HAS1: variants seen among roughly 807,000 people sequenced by gnomAD.
The protein encoded by HAS1 is hyaluronan synthase 1.
HAS1 carries 27 observed loss-of-function variants against 35.0 expected under a neutral mutation model. The observed-to-expected ratio is 0.77, with a 90% CI of 0.57 to 1.06. The LOEUF is 1.06. Among genes scored for constraint, HAS1 ranks in the 50% least tolerant of loss-of-function variants. The probability of loss-of-function intolerance (pLI) is 0.00; values close to 1 mark genes in which losing one functional copy is unlikely to be tolerated. For synonymous variants in HAS1, 409 were observed against 371.2 expected (o/e 1.10, Z -1.17); for missense variants, 940 against 814.8 (o/e 1.15, Z -1.87).
rs1052249811 is a variant in HAS1, at chr19:51,717,026, A to G, written c.867T>C (p.Asn289=). The change falls in exon 3 of 5, where the codon AAT becomes AAC. Residue 289 remains asparagine (N), a synonymous_variant. Coordinates refer to ENST00000540069, the MANE Select transcript of HAS1 (RefSeq NM_001297436.2). ...AGTAGCTCTGACAAGCCCGCTCCAC[A>G]TTGAAGGCTACCCAGTATCGCAGGC... The part of the protein sequence containing the change: ...LSSLRYWVAF[N]VERACQSYFH... 5.0e-6 allele frequency: 8 copies of G among 1,613,988 alleles called. No individual in the cohort carries two copies. The highest frequency in any genetic ancestry group is 1.6e-4 in the Middle Eastern group (1 of 6,084).
At chr19:51,714,227 A>T in intron 4 of HAS1, 125 bp from the exon 5 acceptor site, 2 of 1,441,404 alleles carry the variant, frequency 1.4e-6, no homozygotes, top group South Asian at 2.7e-5. Context: ...TCTAGGCCTC[A>T]GTGTTCTCAT....
At position 51,717,163 on chromosome 19, in the gene HAS1, T is replaced by C. The variant is rs774116413; in HGVS notation, c.730A>G (p.Met244Val). The change falls in exon 3 of 5, where the codon ATG becomes GTG. Residue 244 changes from methionine (M) to valine (V), a missense_variant. Met to Val is a conservative substitution (Grantham distance 21). Coordinates refer to ENST00000540069, the MANE Select transcript of HAS1 (RefSeq NM_001297436.2). ...ACCCGCACGAGCTCCAGCAGTGCCA[T>C]GGGGTCCAACCTTGTGTCCGAGTCA... Reference protein sequence around the residue: ...VCDSDTRLDPMALLELVRVLD... With the variant: ...VCDSDTRLDPVALLELVRVLD... 1.9e-6 allele frequency: 3 copies of C among 1,613,520 alleles called. No individual in the cohort carries two copies. Among genetic ancestry groups the C allele is most frequent in the Admixed American group, 3.3e-5 (2 of 59,996 alleles).
Position 51,713,371 on chromosome 19 carries a change from C to A in HAS1, c.*56G>T. The A allele has an allele frequency of 7.1e-7, 1 of 1,414,976 alleles. No homozygotes were observed. Among genetic ancestry groups the A allele is most frequent in the Middle Eastern group, 2.5e-4 (1 of 3,986 alleles). The allele number at this position is 1,414,976 out of a possible 1,614,324, so 87.7% of individuals were successfully genotyped here. On this transcript the variant is annotated 3_prime_UTR_variant, in exon 5 of 5. Coordinates refer to ENST00000540069, the MANE Select transcript of HAS1 (RefSeq NM_001297436.2). The surrounding 1 kb of genome is among the most constrained non-coding windows in gnomAD (Gnocchi z 4.5). ...AGCAAGTTCGTGGCTCGGGGCCCAG[C>A]AGCTCTCCTCTGGCCTCCCCTGAAG... is the stretch of plus-strand genomic sequence containing the variant.
At position 51,713,968 on chromosome 19, in the gene HAS1, G is replaced by A. The variant is rs767247063; in HGVS notation, c.1193C>T (p.Ala398Val). ...YNALWWHRHHAWMTYEAVVSG... is the reference protein window; with the variant it reads ...YNALWWHRHHVWMTYEAVVSG... ...GACCACCGCCTCGTAGGTCATCCAC[G>A]CATGGTGCCGGTGCCACCAGAGCGC... Residue 398 changes from alanine (A) to valine (V), a missense_variant, in exon 5 of 5, where the codon GCG becomes GTG. Coordinates refer to ENST00000540069, the MANE Select transcript of HAS1 (RefSeq NM_001297436.2). The surrounding 1 kb of genome is among the most constrained non-coding windows in gnomAD (Gnocchi z 4.5). The A allele has an allele frequency of 9.9e-6, 16 of 1,612,864 alleles. No individual in the cohort carries two copies. The South Asian group carries it at 1.6e-4, about 17-fold the overall frequency.
rs370508534 is a variant in HAS1 at position 51,716,714 on chromosome 19, C to G, written c.925+254G>C. Among the ~76,000 whole-genome samples the G allele has an allele frequency of 4.6e-5, 7 of 152,144 alleles. No individual in the cohort carries two copies. The East Asian group carries it at 1.4e-3, about 29-fold the overall frequency. On this transcript the variant is annotated intron_variant, in intron 3 of 4. Coordinates refer to ENST00000540069, the MANE Select transcript of HAS1 (RefSeq NM_001297436.2). ...CTGGCTCCAACTCTGTCTTTGACTC[C>G]AAGCCTATCCCATCTTCTTCCCCAG... is the stretch of plus-strand genomic sequence containing the variant.
rs754838593 is a variant in HAS1 at position 51,713,917 on chromosome 19, G to A, written c.1244C>T (p.Ala415Val). The A allele has an allele frequency of 1.9e-6, 3 of 1,607,888 alleles. No homozygotes were observed. In the South Asian group the frequency reaches 3.3e-5, roughly 18 times the overall value. Residue 415 changes from alanine (A) to valine (V), a missense_variant, in exon 5 of 5, where the codon GCG becomes GTG. By Grantham distance (64) the Ala-to-Val change is moderately conservative. Transcript: ENST00000540069. The surrounding 1 kb of genome is among the most constrained non-coding windows in gnomAD (Gnocchi z 4.5). ...VVSGLFPFFV[A>V]ATVLRLFYAG... ...GTAGAACAGACGCAGCACAGTGGCC[G>A]CCACGAAGAAGGGGAACAGGCCGGA...
At chr19:51,718,578 C>G (rs573018271) in intron 2 of HAS1, among the ~76,000 whole-genome samples, 1 of 152,140 alleles carries the variant, frequency 6.6e-6, no homozygotes, top group South Asian at 2.1e-4. Context: ...CTCTTGTTGC[C>G]CAGGCTGGAG....
In HAS1 at chr19:51,713,795, G is replaced by A. The variant is rs145577853; in HGVS notation, c.1366C>T (p.Arg456Cys). 2.1e-4 allele frequency: 331 copies of A among 1,605,264 alleles called. 5 individuals carry two copies. In the South Asian group the frequency reaches 2.7e-3, roughly 13 times the overall value. The change falls in exon 5 of 5, where the codon CGC becomes TGC. Residue 456 changes from arginine to cysteine, a missense_variant. Arg to Cys is a radical substitution (Grantham distance 180). Coordinates refer to ENST00000540069, the MANE Select transcript of HAS1 (RefSeq NM_001297436.2). This position sits in a 1 kb window ranked among gnomAD's most constrained non-coding sequence, Gnocchi z 4.5. ...GCGTAGAGCGACAGAAGCACCATGC[G>A]CAGGCAGCCCCGCAGCCAGGCCGCG... ...AFAAWLRGCL[R>C]MVLLSLYAPL...
intron 1 of HAS1, among the ~76,000 whole-genome samples, chr19:51,722,303 G>A (rs2083636776): frequency 1.3e-5 from 2 of 152,106 alleles, no homozygotes; most frequent in African/African-American, 4.8e-5. Context: ...AAATATGTCT[G>A]GAACAAGTTG....
intron 4 of HAS1, among the ~76,000 whole-genome samples, chr19:51,715,538 A>G (rs1339409892): frequency 1.3e-5 from 2 of 152,210 alleles, no homozygotes; most frequent in Non-Finnish European, 2.9e-5. Flanking sequence ...TGTCTCCCCA[A>G]CTGATGTAAT....
Position 51,716,357 on chromosome 19 carries a change from A to C in HAS1, c.957T>G (p.Phe319Leu). The change falls in exon 4 of 5, where the codon TTT becomes TTG. Residue 319 changes from phenylalanine to leucine, a missense_variant. Phe to Leu is a conservative substitution (Grantham distance 22). Transcript: ENST00000540069. ...ACTTCTGGTTGTACCAGGCCTCAAG[A>C]AACTGCTGCAAGAGGTTATTCCTAT... ...GLYRNNLLQQ[F>L]LEAWYNQKFL... is the part of the protein sequence containing the mutation. 1 of 1,613,794 alleles carries C rather than the reference A, an allele frequency of 6.2e-7. No individual in the cohort carries two copies. The highest frequency in any genetic ancestry group is 2.2e-5 in the East Asian group (1 of 44,864).
At chr19:51,720,379 G>T (rs1037318758) in intron 1 of HAS1, among the ~76,000 whole-genome samples, 1 of 152,134 alleles carries the variant, frequency 6.6e-6, no homozygotes, top group Non-Finnish European at 1.5e-5. Flanking sequence ...GCCTTCCTAA[G>T]TGCTGGGATT....
chr19:51,713,563 CG>C lies in HAS1; in HGVS notation c.1597del (p.Arg533AlafsTer23). 1 of 1,574,414 alleles carries C rather than the reference CG, an allele frequency of 6.4e-7. No individual in the cohort carries two copies. Among genetic ancestry groups the C allele is most frequent in the Non-Finnish European group, 8.6e-7 (1 of 1,161,044 alleles). On this transcript the variant is annotated frameshift_variant, in exon 5 of 5. Coordinates refer to ENST00000540069, the MANE Select transcript of HAS1 (RefSeq NM_001297436.2). LOFTEE classifies it low-confidence loss of function (END_TRUNC). The surrounding 1 kb of genome is among the most constrained non-coding windows in gnomAD (Gnocchi z 4.5). ...GGCCAAGTGGTAGGCCTCGGCTGCGCGGGAAGGGCCGCTCCAGTCGGCCCTG... is the reference window on the plus strand; with the variant it reads ...GGCCAAGTGGTAGGCCTCGGCTGCGCGGAAGGGCCGCTCCAGTCGGCCCTG... ...EARADWSGPS[R>X]AAEAYHLAAG...
At position 51,719,286 on chromosome 19, in the gene HAS1, C is replaced by T. The variant is rs370795750; in HGVS notation, c.619G>A (p.Val207Met). The T allele has an allele frequency of 5.0e-6, 8 of 1,611,728 alleles. No individual in the cohort carries two copies. The Middle Eastern group carries it at 9.9e-4, about 199-fold the overall frequency. ...ALVRTRRCVC[V>M]AQRWGGKREV... ...CGCTTGCCGCCCCAGCGCTGCGCCA[C>T]GCACACGCACCTGCGAGTCCTCACC... The change falls in exon 2 of 5, where the codon GTG becomes ATG. Residue 207 changes from valine (V) to methionine (M), a missense_variant. Coordinates refer to ENST00000540069, the MANE Select transcript of HAS1 (RefSeq NM_001297436.2).
At chr19:51,719,936 G>A in intron 1 of HAS1, 41 bp from the exon 2 acceptor site, 3 of 1,313,830 alleles carry the variant, frequency 2.3e-6, no homozygotes, top group Admixed American at 2.3e-5. Flanking sequence ...CATGAGTCCC[G>A]GGCGCATGAG....
Position 51,723,976 on chromosome 19 carries a change from C to T in HAS1, c.-43G>A, listed in dbSNP as rs1389477611. 1.3e-6 allele frequency: 2 copies of T among 1,537,666 alleles called. No homozygotes were observed. Among genetic ancestry groups the T allele is most frequent in the Non-Finnish European group, 1.7e-6 (2 of 1,145,134 alleles). On this transcript the variant is annotated 5_prime_UTR_variant, in exon 1 of 5. Coordinates refer to ENST00000540069, the MANE Select transcript of HAS1 (RefSeq NM_001297436.2). The stretch of plus-strand genomic sequence containing the variant: ...GGCTCTCTCTTCTCTCCGGCTTGCT[C>T]TCCCAGCCTCTCTGTGGCCAGAGAG...
rs1367905287 is a variant in HAS1, at chr19:51,716,907, C to T, written c.925+61G>A. The T allele has an allele frequency of 2.6e-6, 3 of 1,145,752 alleles. No individual in the cohort carries two copies. In the East Asian group the frequency reaches 7.0e-5, roughly 27 times the overall value. The allele number at this position is 1,145,752 out of a possible 1,614,324, so 71.0% of individuals were successfully genotyped here. ...ACCCCAGTCACATCCTCAGCCCCAT[C>T]CGGCTTCCCTTCTCCCTTTCCACCC... On this transcript the variant is annotated intron_variant, in intron 3 of 4. Coordinates refer to ENST00000540069, the MANE Select transcript of HAS1 (RefSeq NM_001297436.2).
At chr19:51,722,902 A>G (rs1176557225) in intron 1 of HAS1, among the ~76,000 whole-genome samples, 2 of 152,254 alleles carry the variant, frequency 1.3e-5, no homozygotes, top group Admixed American at 1.3e-4. Flanking sequence ...AAATGTGGCC[A>G]CAAGAAAATT....
chr19:51,720,065 T>G, intron 1 of HAS1, 170 bp from the exon 2 acceptor site: 2 of 565,642 alleles, frequency 3.5e-6, no homozygotes, highest in Non-Finnish European at 6.2e-6. Context: ...TCTCTCTGTG[T>G]CTGTCTCGCT....
Sources: allele counts gnomAD v4.1 joint callset (sites outside exome capture counted in the v4.1 genomes callset), GRCh38; gene constraint gnomAD v4.1.1; non-coding constraint Gnocchi (gnomAD v3.1); transcripts MANE v1.5; gene names NCBI Gene and HGNC (gene_info 2026-07-23, HGNC 2026-07-21).